AKAP1: variants seen among roughly 807,000 people sequenced by gnomAD.
The protein encoded by AKAP1 is A-kinase anchoring protein 1, also known as A-kinase anchor protein 1, mitochondrial.
Under a neutral mutation model 79.8 loss-of-function variants are expected in AKAP1, and 32 were observed. The observed-to-expected ratio is 0.40, with a 90% confidence interval of 0.30 to 0.54. AKAP1 has a LOEUF of 0.54. AKAP1 is among the 20% of genes least tolerant of loss of function. The pLI is 0.47. For synonymous variants in AKAP1, 416 were observed against 466.7 expected (o/e 0.89, Z 1.40); for missense variants, 961 against 1,138.9 (o/e 0.84, Z 2.25).
At position 57,114,652 on chromosome 17, in the gene AKAP1, AG is replaced by A; in HGVS notation, c.2281+20del. ...CCAGTGGAAAGTAAGCAGTGCCCTG[AG>A]GGGTCGGGAAGGGGGACCCCTGGGG... is the stretch of plus-strand genomic sequence containing the variant. On this transcript the variant is annotated intron_variant, in intron 6 of 10. Transcript: ENST00000337714. 1 of 1,607,926 alleles carries A rather than the reference AG, an allele frequency of 6.2e-7. No homozygotes were observed. The highest frequency in any genetic ancestry group is 8.5e-7 in the Non-Finnish European group (1 of 1,176,992).
At position 57,111,693 on chromosome 17, in the gene AKAP1, C is replaced by G. The variant is rs76483799; in HGVS notation, c.1849-105C>G. Reference sequence around the variant, plus strand: ...AAAATAAATGCTGACATGGTAACAGCTAATATGTTTGAGCATGATCTTGTG... The same window carrying G: ...AAAATAAATGCTGACATGGTAACAGGTAATATGTTTGAGCATGATCTTGTG... On this transcript the variant is annotated intron_variant, in intron 3 of 10. Coordinates refer to ENST00000337714, the MANE Select transcript of AKAP1 (RefSeq NM_003488.4). 6.6e-4 allele frequency: 903 copies of G among 1,378,502 alleles called. 8 individuals carry two copies. In the African/African-American group the frequency reaches 0.012, roughly 18 times the overall value. 85.4% of individuals were successfully genotyped at this position (1,378,502 alleles called of 1,614,324 possible). A position where few individuals can be genotyped will look rare whatever the true frequency, so the allele number is the denominator to read the frequency against.
rs550710373 is a variant in AKAP1, at chr17:57,110,747, G to A, written c.1848+589G>A. ...TTAAATATTTAACAATTTAATTTTC[G>A]TGTGTTATTCTTTGAAAATGTAACT... On this transcript the variant is annotated intron_variant, in intron 3 of 10. Transcript: ENST00000337714. Among the ~76,000 whole-genome samples the A allele has an allele frequency of 1.2e-4, 18 of 152,188 alleles. No individual in the cohort carries two copies. In the South Asian group the frequency reaches 1.2e-3, roughly 11 times the overall value.
At chr17:57,114,759 C>T in intron 6 of AKAP1, 123 bp downstream of exon 6, 2 of 1,141,152 alleles carry the variant, frequency 1.8e-6, no homozygotes, top group South Asian at 3.1e-5. Context: ...CAATTCTTGC[C>T]ATTGTTATGG....
chr17:57,108,057 C>A lies in AKAP1; in HGVS notation c.1714+879C>A, dbSNP rs191567409. 3.4e-5 allele frequency: 40 copies of A among 1,184,184 alleles called. No individual in the cohort carries two copies. In the African/African-American group the frequency reaches 5.6e-4, roughly 17 times the overall value. 73.4% of individuals were successfully genotyped at this position (1,184,184 alleles called of 1,614,324 possible). On this transcript the variant is annotated intron_variant, in intron 2 of 10. Coordinates refer to ENST00000337714, the MANE Select transcript of AKAP1 (RefSeq NM_003488.4). ...AGACCGCTAACTTACAGGTCAGCAG[C>A]TCCTGACCCTGCTTCTGCAGGCACC...
chr17:57,119,830 C>CTTTTTTTTTTTTTTTTTTTTCTTTTTT (rs3054874), intron 10 of AKAP1, among the ~76,000 whole-genome samples: 1 of 70,290 alleles, frequency 1.4e-5, no homozygotes, highest in African/African-American at 6.6e-5. Flanking sequence ...CCCTGTTACT[C>CTTTTTTTTTTTTTTTTTTTTCTTTTTT]TTTTTTTTTT....
intron 1 of AKAP1, chr17:57,093,930 G>C (rs996685629): frequency 1.3e-5 from 2 of 151,928 alleles, no homozygotes; most frequent in Non-Finnish European, 2.9e-5. Context: ...CCAGTGTAGA[G>C]ATAGCCCAAG....
At chr17:57,107,331 G>A (rs769261815) in intron 2 of AKAP1, among the ~76,000 whole-genome samples, 153 bp downstream of exon 2, 5 of 152,170 alleles carry the variant, frequency 3.3e-5, no homozygotes, top group Admixed American at 6.5e-5. Context: ...TGGACACGGC[G>A]TAGAGCTGGT....
intron 1 of AKAP1, among the ~76,000 whole-genome samples, chr17:57,098,147 A>C (rs1914241539): frequency 6.6e-6 from 1 of 152,248 alleles, no homozygotes; most frequent in Non-Finnish European, 1.5e-5. Context: ...GAGCAGATGA[A>C]TGCTGAGGCC....
chr17:57,094,818 A>G (rs1485825638), intron 1 of AKAP1: 1 of 151,962 alleles, frequency 6.6e-6, no homozygotes, highest in East Asian at 1.9e-4. Context: ...GTCTCACCAC[A>G]TTGCCCAGGC....
chr17:57,120,218 G>C (rs757015523), intron 10 of AKAP1, 32 bp from the exon 11 acceptor site: 4 of 1,603,310 alleles, frequency 2.5e-6, no homozygotes, highest in Non-Finnish European at 3.4e-6. Flanking sequence ...GGATGCCATG[G>C]ACAAAAGCTT....
chr17:57,097,345 G>A (rs1234637071), intron 1 of AKAP1, among the ~76,000 whole-genome samples: 1 of 152,230 alleles, frequency 6.6e-6, no homozygotes, highest in Non-Finnish European at 1.5e-5. Context: ...TCAGAATCGT[G>A]TGCTTCTGGT....
chr17:57,094,229 A>G (rs1006769700), intron 1 of AKAP1: 1 of 152,200 alleles, frequency 6.6e-6, no homozygotes, highest in Non-Finnish European at 1.5e-5. Context: ...TCCTGGGCGC[A>G]TCCCTTTTCC....
At chr17:57,089,187 T>C (rs943554719) in intron 1 of AKAP1, among the ~76,000 whole-genome samples, 9 of 152,124 alleles carry the variant, frequency 5.9e-5, no homozygotes, top group Non-Finnish European at 8.8e-5. Context: ...CTGGGAGCCT[T>C]GGAGTTAGAC....
intron 4 of AKAP1, 81 bp from the exon 5 acceptor site, chr17:57,112,410 G>T (rs1040222352): frequency 2.0e-6 from 3 of 1,534,926 alleles, no homozygotes; most frequent in Middle Eastern, 3.5e-4. Context: ...GTGGAGTGGG[G>T]TCTGTGGCTG....
At chr17:57,102,387 G>A (rs1178562602) in intron 1 of AKAP1, among the ~76,000 whole-genome samples, 2 of 152,032 alleles carry the variant, frequency 1.3e-5, no homozygotes, top group South Asian at 2.1e-4. Flanking sequence ...CTCATATAGC[G>A]CCTCTTCCCC....
chr17:57,093,997 G>A (rs1597961287), intron 1 of AKAP1: 1 of 151,992 alleles, frequency 6.6e-6, no homozygotes. Flanking sequence ...CTTGTTTATG[G>A]CTGCAAGGTT....
chr17:57,086,213 G>A lies in AKAP1; in HGVS notation c.-25+815G>A, dbSNP rs1913443008. ...CCCCGACGGTCACGTGTCCGGCCCC[G>A]CCTGCGGCCCAGGGCCCGGGGTCTG... On this transcript the variant is annotated intron_variant, in intron 1 of 10. Coordinates refer to ENST00000337714, the MANE Select transcript of AKAP1 (RefSeq NM_003488.4). This position sits in a 1 kb window ranked among gnomAD's most constrained non-coding sequence, Gnocchi z 5.1. 2 of 320,604 alleles carry A rather than the reference G, an allele frequency of 6.2e-6. No individual in the cohort carries two copies. The highest frequency in any genetic ancestry group is 4.6e-5 in the Admixed American group (1 of 21,808). 19.9% of individuals were successfully genotyped at this position (320,604 alleles called of 1,614,324 possible). A position where few individuals can be genotyped will look rare whatever the true frequency, so the allele number is the denominator to read the frequency against.
intron 10 of AKAP1, among the ~76,000 whole-genome samples, chr17:57,119,366 T>A (rs142038927): frequency 2.6e-5 from 4 of 151,796 alleles, no homozygotes; most frequent in Non-Finnish European, 5.9e-5. Context: ...GTCTGTTGAG[T>A]TTTTCTGTCC....
chr17:57,095,902 C>T (rs1024269512), intron 1 of AKAP1: 1 of 152,232 alleles, frequency 6.6e-6, no homozygotes, highest in East Asian at 1.9e-4. Flanking sequence ...TCTTTAGAAA[C>T]CTGGCGGAAT....
Sources: gnomAD v4.1 joint callset for allele counts (sites outside exome capture counted in the v4.1 genomes callset) on GRCh38, gnomAD v4.1.1 for gene constraint, Gnocchi (gnomAD v3.1) non-coding constraint, MANE v1.5 for transcripts, NCBI Gene and HGNC (gene_info 2026-07-23, HGNC 2026-07-21) for gene names.